TSC22D2: variants seen among roughly 807,000 people sequenced by gnomAD.
The protein encoded by TSC22D2 is TSC22 domain family member 2, also known as TSC22 domain family protein 2.
In TSC22D2, 5 loss-of-function variants were observed where a neutral mutation model predicts 50.1. The ratio of observed to expected loss-of-function variants is 0.10; its 90% CI spans 0.05 to 0.21. The LOEUF (loss-of-function observed/expected upper bound fraction) is 0.21. TSC22D2 is among the 10% of genes least tolerant of loss of function. The pLI, the probability that TSC22D2 is intolerant of heterozygous loss-of-function variation, is 1.00. For synonymous variants in TSC22D2, 501 were observed against 450.1 expected, an observed-to-expected ratio of 1.11 and a Z score of -1.43; for missense variants, 1,003 against 1,015.5, an observed-to-expected ratio of 0.99 and a Z score of 0.17.
chr3:150,423,698 A>T (rs1720085752), intron 1 of TSC22D2, among the ~76,000 whole-genome samples: 1 of 152,176 alleles, frequency 6.6e-6, no homozygotes, highest in Non-Finnish European at 1.5e-5. Flanking sequence ...GTTAACTTTT[A>T]AAAATACAGA....
At chr3:150,426,766 A>G (rs995438657) in intron 1 of TSC22D2, among the ~76,000 whole-genome samples, 1 of 152,176 alleles carries the variant, frequency 6.6e-6, no homozygotes, top group Non-Finnish European at 1.5e-5. Flanking sequence ...AGTAGTAGAC[A>G]TGGGTTATTA....
At chr3:150,417,206 A>G (rs896125867) in intron 1 of TSC22D2, among the ~76,000 whole-genome samples, 9 of 152,166 alleles carry the variant, frequency 5.9e-5, no homozygotes, top group Non-Finnish European at 1.3e-4. Flanking sequence ...TAATGTGTCA[A>G]TTATTGTAAA....
intron 1 of TSC22D2, among the ~76,000 whole-genome samples, chr3:150,456,374 G>A (rs1721191487): frequency 6.6e-6 from 1 of 151,774 alleles, no homozygotes; most frequent in Admixed American, 6.6e-5. Context: ...TTTTAGTAGA[G>A]ATGGGTTTTC....
rs1576536923 is a variant in TSC22D2 at position 150,409,365 on chromosome 3, G to A, written c.15G>A (p.Pro5=). 8 of 1,599,052 alleles carry A rather than the reference G, an allele frequency of 5.0e-6. No individual in the cohort carries two copies. In the South Asian group the frequency reaches 5.5e-5, roughly 11 times the overall value. ...CCTTCTTCACCATGTCCAAGATGCC[G>A]GCCAAGAAGAAGAGCTGCTTCCAGA... MSKM[P]AKKKSCFQIT... The change falls in exon 1 of 3, where the codon CCG becomes CCA. Residue 5 remains proline, a synonymous_variant. Coordinates refer to ENST00000688009, the MANE Select transcript of TSC22D2 (RefSeq NM_001303264.2). This position sits in a 1 kb window ranked among gnomAD's most constrained non-coding sequence, Gnocchi z 7.4.
Position 150,458,799 on chromosome 3 carries a change from A to C in TSC22D2, c.*163A>C. On this transcript the variant is annotated 3_prime_UTR_variant, in exon 3 of 3. Coordinates refer to ENST00000688009, the MANE Select transcript of TSC22D2 (RefSeq NM_001303264.2). ...TCTACAAGAGCTTTTCCTCTCTCTG[A>C]GATGTCATGCAGCGCTGTTGATGTC... 1.2e-6 allele frequency: 1 copy of C among 844,602 alleles called. No homozygotes were observed. Among genetic ancestry groups the C allele is most frequent in the Non-Finnish European group, 1.8e-6 (1 of 548,050 alleles). 52.3% of individuals were successfully genotyped at this position (844,602 alleles called of 1,614,324 possible).
At chr3:150,435,139 G>A (rs1720497555) in intron 1 of TSC22D2, among the ~76,000 whole-genome samples, 1 of 151,910 alleles carries the variant, frequency 6.6e-6, no homozygotes, top group African/African-American at 2.4e-5. Context: ...CACCATGCCT[G>A]CCTAATTTTT....
In TSC22D2 at chr3:150,408,395, C is replaced by G. The variant is rs1250963752; in HGVS notation, c.-956C>G. 2 of 152,650 alleles carry G rather than the reference C, an allele frequency of 1.3e-5. No individual in the cohort carries two copies. The highest frequency in any genetic ancestry group is 4.0e-4 in the South Asian group (2 of 5,014). 9.5% of individuals were successfully genotyped at this position (152,650 alleles called of 1,614,324 possible). The stretch of plus-strand genomic sequence containing the variant: ...TTGGCCCAGCGGAGGGAGCTGCAGC[C>G]GCCGCTTCAGCAGTTTGAATTTCAG... On this transcript the variant is annotated 5_prime_UTR_variant, in exon 1 of 3. Transcript: ENST00000688009.
At chr3:150,437,342 G>A (rs1029298419) in intron 1 of TSC22D2, among the ~76,000 whole-genome samples, 3 of 152,134 alleles carry the variant, frequency 2.0e-5, no homozygotes, top group South Asian at 2.1e-4. Flanking sequence ...ATTGTTATTC[G>A]GTTACATAAA....
At chr3:150,453,480 G>A (rs141239043) in intron 1 of TSC22D2, among the ~76,000 whole-genome samples, 1 of 152,302 alleles carries the variant, frequency 6.6e-6, no homozygotes, top group East Asian at 1.9e-4. Context: ...TCGTAAATAT[G>A]GCTAAAGCAG....
At chr3:150,422,185 T>A (rs779622534) in intron 1 of TSC22D2, among the ~76,000 whole-genome samples, 1 of 152,248 alleles carries the variant, frequency 6.6e-6, no homozygotes. Flanking sequence ...TTAAAAGTTA[T>A]GTGGCAAAGT....
intron 1 of TSC22D2, among the ~76,000 whole-genome samples, chr3:150,425,149 T>C (rs1720139960): frequency 6.6e-6 from 1 of 152,208 alleles, no homozygotes; most frequent in Non-Finnish European, 1.5e-5. Context: ...TGTTCATTTT[T>C]ACTATTATAA....
At chr3:150,458,302 C>T (rs1721258861) in intron 2 of TSC22D2, 74 bp from the exon 3 acceptor site, 2 of 1,472,680 alleles carry the variant, frequency 1.4e-6, no homozygotes, top group Admixed American at 4.2e-5. Flanking sequence ...AACTTAGCAC[C>T]AAGTAGGCCA....
At chr3:150,447,484 A>G (rs944530367) in intron 1 of TSC22D2, among the ~76,000 whole-genome samples, 1 of 152,276 alleles carries the variant, frequency 6.6e-6, no homozygotes, top group Non-Finnish European at 1.5e-5. Context: ...TATTTCTCCA[A>G]CAGGATTCTA....
rs564067327 is a variant in TSC22D2 at position 150,436,314 on chromosome 3, G to C, written c.1959-20762G>C. Among the ~76,000 whole-genome samples the C allele has an allele frequency of 4.6e-5, 7 of 151,840 alleles. No individual in the cohort carries two copies. In the East Asian group the frequency reaches 1.4e-3, roughly 30 times the overall value. On this transcript the variant is annotated intron_variant, in intron 1 of 2. Transcript: ENST00000688009. The stretch of plus-strand genomic sequence containing the variant: ...TGTATCTTCCAAAAAGACTTTCCAA[G>C]CATTTACCGTAACAAGGCTTTTTTT...
At chr3:150,445,947 A>C (rs1362178579) in intron 1 of TSC22D2, among the ~76,000 whole-genome samples, 1 of 152,060 alleles carries the variant, frequency 6.6e-6, no homozygotes, top group Non-Finnish European at 1.5e-5. Context: ...TACAAAAAGT[A>C]GCTGGGCATG....
At position 150,409,771 on chromosome 3, in the gene TSC22D2, G is replaced by T; in HGVS notation, c.421G>T (p.Gly141Cys). ...PGAPGGPQLA[G>C]SSAGPVTAAP... is the part of the protein sequence containing the mutation. ...AGCACCCGGCGGCCCCCAGCTCGCG[G>T]GCTCATCCGCCGGGCCAGTGACTGC... Residue 141 changes from glycine to cysteine, a missense_variant, in exon 1 of 3, where the codon GGC (glycine) becomes TGC (cysteine). Physicochemically the swap from Gly to Cys is radical, Grantham distance 159 (BLOSUM62 -3). Coordinates refer to ENST00000688009, the MANE Select transcript of TSC22D2 (RefSeq NM_001303264.2). The surrounding 1 kb of genome is among the most constrained non-coding windows in gnomAD (Gnocchi z 7.4). The T allele has an allele frequency of 1.2e-6, 2 of 1,602,134 alleles. No individual in the cohort carries two copies. Among genetic ancestry groups the T allele is most frequent in the Admixed American group, 1.7e-5 (1 of 59,968 alleles).
At chr3:150,432,528 G>A (rs1398757402) in intron 1 of TSC22D2, among the ~76,000 whole-genome samples, 2 of 149,754 alleles carry the variant, frequency 1.3e-5, no homozygotes, top group African/African-American at 2.5e-5. Flanking sequence ...GAACTAATTC[G>A]CCAAATTCGA....
rs754873204 is a variant in TSC22D2, at chr3:150,459,751, C to G, written c.*1115C>G. On this transcript the variant is annotated 3_prime_UTR_variant, in exon 3 of 3. Transcript: ENST00000688009. ...CACTCTTATTGTAATATGTACTAGT[C>G]TGTGAACAATGTCAAATAAAAGAGA... 7 of 147,780 alleles carry G rather than the reference C, an allele frequency of 4.7e-5. No homozygotes were observed. Among genetic ancestry groups the G allele is most frequent in the Non-Finnish European group, 1.0e-4 (7 of 67,456 alleles). The allele number at this position is 147,780 out of a possible 1,614,324, so 9.2% of individuals were successfully genotyped here.
intron 1 of TSC22D2, among the ~76,000 whole-genome samples, chr3:150,419,487 C>T (rs1325547135): frequency 6.6e-6 from 1 of 151,914 alleles, no homozygotes; most frequent in Admixed American, 6.6e-5. Context: ...TTGTATGTCC[C>T]TGGTTTCTAT....
Sources: allele counts gnomAD v4.1 joint callset (sites outside exome capture counted in the v4.1 genomes callset), GRCh38; gene constraint gnomAD v4.1.1; non-coding constraint Gnocchi (gnomAD v3.1); transcripts MANE v1.5; gene names NCBI Gene and HGNC (gene_info 2026-07-23, HGNC 2026-07-21).